The following VNN2 variants were observed in gnomAD, a reference collection of about 807,000 sequenced individuals.
The protein encoded by VNN2 is pantetheine hydrolase VNN2.
In VNN2, 43 loss-of-function variants were observed where a neutral mutation model predicts 43.0. That is an observed-to-expected ratio of 1.00 (90% CI 0.78 to 1.29). The LOEUF (loss-of-function observed/expected upper bound fraction) is 1.29. Among genes scored for constraint, VNN2 ranks in the 50% most tolerant of loss-of-function variants. The pLI is 0.00. For synonymous variants in VNN2, 230 were observed against 224.3 expected, an observed-to-expected ratio of 1.03 and a Z score of -0.23; for missense variants, 652 against 619.7, an observed-to-expected ratio of 1.05 and a Z score of -0.55.
At position 132,751,156 on chromosome 6, in the gene VNN2, C is replaced by A; in HGVS notation, c.1189G>T (p.Glu397Ter). ...TGAACTGAAATTACCTGCCAGTACT[C>A]TCTTCTCCTTCGGCCATGTAATCCT... ...FTGLHGRRRR[E>*]YWQVCTLLKC... Residue 397 changes from glutamate to a stop codon, truncating the protein, a stop_gained, in exon 5 of 7, where the codon GAG (glutamate) becomes TAG (stop). Coordinates refer to ENST00000326499, the MANE Select transcript of VNN2 (RefSeq NM_004665.6). LOFTEE classifies it high-confidence loss of function. The A allele has an allele frequency of 6.3e-7, 1 of 1,596,870 alleles. No homozygotes were observed. Among genetic ancestry groups the A allele is most frequent in the South Asian group, 1.1e-5 (1 of 88,656 alleles).
chr6:132,758,599 A>T (rs1040917348), upstream of VNN2, among the ~76,000 whole-genome samples: 11 of 152,206 alleles, frequency 7.2e-5, no homozygotes, highest in Non-Finnish European at 1.5e-4. Flanking sequence ...AAATTTAAAA[A>T]TTGACAACAA....
chr6:132,751,531 G>C lies in VNN2; in HGVS notation c.827-13C>G. ...TAAATACCACTTCCTGTGAATGAAA[G>C]ACAAGTCTTCTAAAAACAACACCAC... On this transcript the variant is annotated splice_polypyrimidine_tract_variant and intron_variant, in intron 4 of 6. Transcript: ENST00000326499. 1 of 1,588,686 alleles carries C rather than the reference G, an allele frequency of 6.3e-7. No individual in the cohort carries two copies. Among genetic ancestry groups the C allele is most frequent in the Non-Finnish European group, 8.6e-7 (1 of 1,167,906 alleles).
At chr6:132,754,918 A>C (rs555661480) in intron 3 of VNN2, among the ~76,000 whole-genome samples, 14 of 152,360 alleles carry the variant, frequency 9.2e-5, no homozygotes, top group Non-Finnish European at 2.1e-4. Flanking sequence ...TCATGCCTCT[A>C]ATCTCAGCAT....
upstream of VNN2, chr6:132,758,000 T>TTTTTTCTTCTTCTTCTTCTTCTTCTTC (rs1780594468): frequency 3.0e-6 from 1 of 336,124 alleles, no homozygotes; most frequent in African/African-American, 3.6e-5. Flanking sequence ...TATCATCATT[T>TTTTTTCTTCTTCTTCTTCTTCTTCTTC]TTCTTCTTCT....
intron 2 of VNN2, 39 bp downstream of exon 2, chr6:132,757,377 G>A: frequency 6.4e-7 from 1 of 1,560,400 alleles, no homozygotes. Flanking sequence ...GCATTTTAGA[G>A]AGTTACTTTT....
rs770198693 is a variant in VNN2 at position 132,755,979 on chromosome 6, A to G, written c.401T>C (p.Ile134Thr). 3.1e-6 allele frequency: 5 copies of G among 1,614,188 alleles called. No homozygotes were observed. Among genetic ancestry groups the G allele is most frequent in the Non-Finnish European group, 2.5e-6 (3 of 1,180,036 alleles). Reference sequence around the variant, plus strand: ...GTCCCCCAAATTTGCCAAGACATAGATAGAGTTGTCCTTGGCCAGGCAGCT... The same window carrying G: ...GTCCCCCAAATTTGCCAAGACATAGGTAGAGTTGTCCTTGGCCAGGCAGCT... ...RLSCLAKDNS[I>T]YVLANLGDKK... The change falls in exon 3 of 7, where the codon ATC becomes ACC. Residue 134 changes from isoleucine (I) to threonine (T), a missense_variant. Coordinates refer to ENST00000326499, the MANE Select transcript of VNN2 (RefSeq NM_004665.6).
At chr6:132,757,339 A>G (rs956891122) in intron 2 of VNN2, 77 bp downstream of exon 2, 2 of 1,496,724 alleles carry the variant, frequency 1.3e-6, no homozygotes, top group South Asian at 2.7e-5. Context: ...GTAATTCAAG[A>G]GCAATCATTT....
chr6:132,748,308 A>G (rs1025847449), intron 6 of VNN2, among the ~76,000 whole-genome samples: 1 of 152,138 alleles, frequency 6.6e-6, no homozygotes, highest in African/African-American at 2.4e-5. Context: ...TCCAGCCTCA[A>G]TTTGCTCATG....
chr6:132,748,098 T>C (rs34086445), intron 6 of VNN2, among the ~76,000 whole-genome samples: 12 of 152,214 alleles, frequency 7.9e-5, no homozygotes, highest in Admixed American at 7.9e-4. Context: ...GCTTACAGAA[T>C]ATAATGCATC....
intron 3 of VNN2, among the ~76,000 whole-genome samples, chr6:132,755,346 A>T: frequency 7.2e-6 from 1 of 138,664 alleles, no homozygotes; most frequent in South Asian, 2.3e-4. Context: ...GTAGTTTTTT[A>T]CAACGTGTCA....
chr6:132,758,907 C>T (rs139111335), upstream of VNN2, among the ~76,000 whole-genome samples: 10 of 152,162 alleles, frequency 6.6e-5, no homozygotes, highest in South Asian at 2.1e-4. Flanking sequence ...CAGGATACTC[C>T]GCTTCTTTCC....
rs1015646597 is a variant in VNN2, at chr6:132,757,857, A to G, written c.27T>C (p.Ser9=). The G allele has an allele frequency of 1.2e-6, 2 of 1,614,076 alleles. No individual in the cohort carries two copies. The highest frequency in any genetic ancestry group is 1.7e-6 in the Non-Finnish European group (2 of 1,179,960). Residue 9 remains serine (S), a synonymous_variant, in exon 1 of 7, where the codon TCT becomes TCC. Coordinates refer to ENST00000326499, the MANE Select transcript of VNN2 (RefSeq NM_004665.6). MVTSSFPI[S]VAVFALITLQ... ...GGGTTATTAGGGCAAAAACTGCCAC[A>G]GAGATTGGAAAAGAGGAAGTGACCA...
At position 132,744,101 on chromosome 6, in the gene VNN2, T is replaced by A. The variant is rs1443933685; in HGVS notation, c.*199A>T. On this transcript the variant is annotated 3_prime_UTR_variant, in exon 7 of 7. Transcript: ENST00000326499. Reference sequence around the variant, plus strand: ...CCAGGCTCTTTCCATTGTTCCACACTGCAACATTTCAGAGTAGCCAAAAAA... The same window carrying A: ...CCAGGCTCTTTCCATTGTTCCACACAGCAACATTTCAGAGTAGCCAAAAAA... The A allele has an allele frequency of 4.5e-6, 2 of 447,498 alleles. No individual in the cohort carries two copies. Among genetic ancestry groups the A allele is most frequent in the African/African-American group, 2.1e-5 (1 of 48,454 alleles). The allele number at this position is 447,498 out of a possible 1,614,324, so 27.7% of individuals were successfully genotyped here. A position where few individuals can be genotyped will look rare whatever the true frequency, so the allele number is the denominator to read the frequency against.
At chr6:132,759,364 A>G (rs967507631), upstream of VNN2, among the ~76,000 whole-genome samples, 1 of 145,842 alleles carries the variant, frequency 6.9e-6, no homozygotes, top group East Asian at 2.1e-4. Context: ...GCTGGAACCC[A>G]GGAGGCAGAG....
upstream of VNN2, among the ~76,000 whole-genome samples, chr6:132,761,261 C>T (rs1780731581): frequency 6.6e-6 from 1 of 151,936 alleles, no homozygotes; most frequent in African/African-American, 2.4e-5. Flanking sequence ...CTAAAAGAGC[C>T]TACTTCCTAA....
chr6:132,751,956 AC>A (rs1780134779), intron 4 of VNN2, among the ~76,000 whole-genome samples: 1 of 152,222 alleles, frequency 6.6e-6, no homozygotes, highest in Non-Finnish European at 1.5e-5. Flanking sequence ...TTAGTGACTC[AC>A]TTCCAATGAA....
intron 6 of VNN2, among the ~76,000 whole-genome samples, chr6:132,745,317 G>T (rs984037507): frequency 6.6e-5 from 10 of 152,216 alleles, no homozygotes; most frequent in African/African-American, 2.4e-4. Context: ...CTGGGTTCAA[G>T]TGATTCTCCT....
chr6:132,758,027 CTTCTTCTTCTTCT>C, upstream of VNN2: 6 of 71,936 alleles, frequency 8.3e-5, no homozygotes, highest in East Asian at 1.7e-4. Context: ...TCTTCTTCTT[CTTCTTCTTCTTCT>C]TTTTTTTTTT....
intron 3 of VNN2, chr6:132,753,988 C>G (rs1283698483): frequency 7.0e-6 from 1 of 142,978 alleles, no homozygotes; most frequent in Non-Finnish European, 1.5e-5. Flanking sequence ...AGGAATTGAT[C>G]GACAAAGGTA....
Sources: gnomAD v4.1 joint callset for allele counts (sites outside exome capture counted in the v4.1 genomes callset) on GRCh38, gnomAD v4.1.1 for gene constraint, MANE v1.5 for transcripts, NCBI Gene and HGNC (gene_info 2026-07-23, HGNC 2026-07-21) for gene names.